OR2L13: variants seen among roughly 807,000 people sequenced by gnomAD.
OR2L13 encodes olfactory receptor 2L13.
OR2L13 carries 14 observed loss-of-function variants against 15.3 expected under a neutral mutation model. The observed-to-expected ratio is 0.91, with a 90% CI of 0.60 to 1.43. The LOEUF (loss-of-function observed/expected upper bound fraction) is 1.43. Ranked by LOEUF, OR2L13 falls within the 40% of genes most tolerant of loss-of-function variation. OR2L13 has a pLI of 0.00. For missense variants in OR2L13, 367 were observed against 387.9 expected, an observed-to-expected ratio of 0.95 and a Z score of 0.45; for synonymous variants, 152 against 142.9, an observed-to-expected ratio of 1.06 and a Z score of -0.45.
chr1:248,010,280 C>T, the OR2L13 span, among the ~76,000 whole-genome samples: 5 of 151,928 alleles, frequency 3.3e-5, no homozygotes, highest in South Asian at 2.1e-4. Context: ...TAGTCTCAGC[C>T]CAAAATCTTC....
At chr1:247,965,783 T>C in the OR2L13 span, 3 of 1,599,988 alleles carry the variant, frequency 1.9e-6, no homozygotes, top group South Asian at 2.3e-5. Flanking sequence ...CCTATGCTTA[T>C]GAGCAAGAAG....
At chr1:247,969,761 G>GCTTT in the OR2L13 span, among the ~76,000 whole-genome samples, 1 of 152,098 alleles carries the variant, frequency 6.6e-6, no homozygotes, top group Non-Finnish European at 1.5e-5. Flanking sequence ...GAAGCTAAGG[G>GCTTT]CTTTATTCAG....
At chr1:248,017,732 G>A in the OR2L13 span, among the ~76,000 whole-genome samples, 1 of 152,092 alleles carries the variant, frequency 6.6e-6, no homozygotes. Context: ...GGCAGAGCTG[G>A]GTTGTAAATT....
chr1:247,987,966 A>G, the OR2L13 span, among the ~76,000 whole-genome samples: 1 of 152,138 alleles, frequency 6.6e-6, no homozygotes, highest in Non-Finnish European at 1.5e-5. Context: ...TCTGATTATT[A>G]TTACTACTAT....
chr1:248,077,625 C>T, the OR2L13 span, among the ~76,000 whole-genome samples: 1 of 151,854 alleles, frequency 6.6e-6, no homozygotes, highest in Admixed American at 6.6e-5. Context: ...ATCTTTATGA[C>T]TTGGGGTTAG....
the OR2L13 span, among the ~76,000 whole-genome samples, chr1:248,031,613 G>C: frequency 2.0e-5 from 3 of 152,162 alleles, no homozygotes; most frequent in Non-Finnish European, 4.4e-5. Context: ...CGCAGGCAGA[G>C]CTGGGCTGTA....
At chr1:247,977,713 GTTAA>G in the OR2L13 span, among the ~76,000 whole-genome samples, 1 of 152,258 alleles carries the variant, frequency 6.6e-6, no homozygotes, top group African/African-American at 2.4e-5. Context: ...CCTAACTACC[GTTAA>G]TTGTTTCTTT....
the OR2L13 span, among the ~76,000 whole-genome samples, chr1:247,995,690 A>C: frequency 6.6e-4 from 101 of 152,292 alleles, no homozygotes; most frequent in African/African-American, 2.3e-3. Context: ...TATTCATCGG[A>C]ATGATTTATT....
the OR2L13 span, among the ~76,000 whole-genome samples, chr1:248,005,033 G>T: frequency 6.6e-6 from 1 of 152,014 alleles, no homozygotes; most frequent in African/African-American, 2.4e-5. Context: ...GCAGGGGAGG[G>T]GTGATAAAGT....
At chr1:247,987,434 G>A in the OR2L13 span, among the ~76,000 whole-genome samples, 11 of 151,962 alleles carry the variant, frequency 7.2e-5, no homozygotes, top group Non-Finnish European at 1.2e-4. Flanking sequence ...TTGGACATTT[G>A]TGTCTTGTTC....
At chr1:247,992,785 C>G in the OR2L13 span, among the ~76,000 whole-genome samples, 1 of 150,092 alleles carries the variant, frequency 6.7e-6, no homozygotes, top group East Asian at 2.0e-4. Flanking sequence ...TATTGATGGG[C>G]ACCTAGGTTG....
chr1:248,058,054 A>G, the OR2L13 span, among the ~76,000 whole-genome samples: 1 of 152,178 alleles, frequency 6.6e-6, no homozygotes, highest in African/African-American at 2.4e-5. Flanking sequence ...CAAATCTTAG[A>G]GTCAAAGCTG....
the OR2L13 span, among the ~76,000 whole-genome samples, chr1:248,008,490 A>G: frequency 6.6e-6 from 1 of 152,140 alleles, no homozygotes; most frequent in Non-Finnish European, 1.5e-5. Flanking sequence ...AAGCTCACAT[A>G]GGAGATAAAG....
At chr1:248,079,280 C>T in the OR2L13 span, among the ~76,000 whole-genome samples, 1 of 151,682 alleles carries the variant, frequency 6.6e-6, no homozygotes, top group African/African-American at 2.4e-5. Context: ...TTTTTAATGT[C>T]CTAAAATTCA....
At chr1:248,060,598 A>C in the OR2L13 span, 66 of 1,081,408 alleles carry the variant, frequency 6.1e-5, no homozygotes, top group Non-Finnish European at 8.4e-5. Context: ...AGGGGCTTCA[A>C]ATGCATTCCC....
the OR2L13 span, among the ~76,000 whole-genome samples, chr1:248,077,536 C>A: frequency 6.6e-6 from 1 of 152,082 alleles, no homozygotes; most frequent in Non-Finnish European, 1.5e-5. Context: ...TTTGTCTATT[C>A]AGAAATTCAC....
At chr1:247,987,066 T>C in the OR2L13 span, among the ~76,000 whole-genome samples, 1 of 151,894 alleles carries the variant, frequency 6.6e-6, no homozygotes, top group Non-Finnish European at 1.5e-5. Flanking sequence ...GATACTATTG[T>C]AAATAAAATC....
the OR2L13 span, chr1:247,965,304 TTCTCTTAAGGG>T: frequency 6.8e-7 from 1 of 1,469,654 alleles, no homozygotes; most frequent in Non-Finnish European, 9.0e-7. Context: ...TCATTTTACT[TTCTCTTAAGGG>T]AAGTCAACAT....
At chr1:248,008,994 A>G in the OR2L13 span, among the ~76,000 whole-genome samples, 4 of 152,210 alleles carry the variant, frequency 2.6e-5, no homozygotes, top group Non-Finnish European at 5.9e-5. Flanking sequence ...GCCAATGAGA[A>G]CAAAGACACA....
Sources: gnomAD v4.1 joint callset for allele counts (sites outside exome capture counted in the v4.1 genomes callset) on GRCh38, gnomAD v4.1.1 for gene constraint, MANE v1.5 for transcripts, NCBI Gene and HGNC (gene_info 2026-07-23, HGNC 2026-07-21) for gene names.